Variants in FBXL17 observed in about 807,000 individuals in gnomAD.
FBXL17 encodes F-box and leucine rich repeat protein 17.
Under a neutral mutation model 66.2 loss-of-function variants are expected in FBXL17, and 22 were observed. The observed-to-expected ratio is 0.33, with a 90% confidence interval of 0.24 to 0.47. The LOEUF (loss-of-function observed/expected upper bound fraction) is 0.47, where lower values mean the gene tolerates loss of function less well. FBXL17 is among the 20% of genes least tolerant of loss of function. FBXL17 has a pLI of 1.00. For missense variants in FBXL17, 878 were observed against 948.2 expected (o/e 0.93, Z 0.97); for synonymous variants, 474 against 400.5 (o/e 1.18, Z -2.19).
At chr5:108,311,328 T>C (rs772157015) in intron 4 of FBXL17, among the ~76,000 whole-genome samples, 10 of 151,988 alleles carry the variant, frequency 6.6e-5, no homozygotes, top group Admixed American at 2.0e-4. Flanking sequence ...CCTGCCACCA[T>C]GCCCAGCTAA....
chr5:108,130,026 A>G (rs1475309822), intron 6 of FBXL17, among the ~76,000 whole-genome samples: 2 of 151,962 alleles, frequency 1.3e-5, no homozygotes, highest in Non-Finnish European at 2.9e-5. Context: ...GAGCATTTTA[A>G]AAGAAAAAAT....
At chr5:107,957,199 G>C (rs1406774917) in intron 7 of FBXL17, among the ~76,000 whole-genome samples, 2 of 152,142 alleles carry the variant, frequency 1.3e-5, no homozygotes, top group African/African-American at 4.8e-5. Flanking sequence ...ACAGGACAAA[G>C]GGCCCCAGCT....
intron 8 of FBXL17, 125 bp downstream of exon 8, chr5:107,880,912 C>T (rs1468276530): frequency 1.4e-6 from 2 of 1,469,586 alleles, no homozygotes; most frequent in East Asian, 2.5e-5. Flanking sequence ...TGCATATATA[C>T]ATATAAAATG....
chr5:108,325,698 G>A (rs1445261247), intron 4 of FBXL17, among the ~76,000 whole-genome samples: 2 of 152,126 alleles, frequency 1.3e-5, no homozygotes, highest in Admixed American at 1.3e-4. Flanking sequence ...TTGGATCATA[G>A]GTACACCTAG....
intron 6 of FBXL17, among the ~76,000 whole-genome samples, chr5:108,184,223 T>C (rs1346485637): frequency 6.6e-6 from 1 of 152,048 alleles, no homozygotes; most frequent in Non-Finnish European, 1.5e-5. Context: ...AGGCCAGTAG[T>C]TTGACACCAG....
chr5:107,918,128 C>A (rs1750194209), intron 7 of FBXL17, among the ~76,000 whole-genome samples: 1 of 152,188 alleles, frequency 6.6e-6, no homozygotes, highest in South Asian at 2.1e-4. Flanking sequence ...CAGATCTACT[C>A]ACCCTCAGGA....
At position 107,881,118 on chromosome 5, in the gene FBXL17, T is replaced by G. The variant is rs1294297192; in HGVS notation, c.1884A>C (p.Lys628Asn). Residue 628 changes from lysine to asparagine, a missense_variant, in exon 8 of 9, where the codon AAA becomes AAC. This residue lies in a region of FBXL17 where 236 missense variants were observed against 389.1 expected (regional missense o/e 0.61). Coordinates refer to ENST00000542267, the MANE Select transcript of FBXL17 (RefSeq NM_001163315.3). ...GGGTGGCTCCTTGGTCTGTGATTTCTTTACACCATCCGACATCCACAGTCT... is the reference window on the plus strand; with the variant it reads ...GGGTGGCTCCTTGGTCTGTGATTTCGTTACACCATCCGACATCCACAGTCT... Reference protein sequence around the residue: ...TIETVDVGWCKEITDQGATLI... With the variant: ...TIETVDVGWCNEITDQGATLI... 1 of 1,614,046 alleles carries G rather than the reference T, an allele frequency of 6.2e-7. No individual in the cohort carries two copies. Among genetic ancestry groups the G allele is most frequent in the East Asian group, 2.2e-5 (1 of 44,866 alleles).
intron 7 of FBXL17, among the ~76,000 whole-genome samples, chr5:107,902,373 T>C (rs1749596964): frequency 6.6e-6 from 1 of 152,186 alleles, no homozygotes; most frequent in Non-Finnish European, 1.5e-5. Flanking sequence ...ATCAATAAAT[T>C]AATTTATCCA....
intron 7 of FBXL17, among the ~76,000 whole-genome samples, chr5:107,975,213 T>C (rs1379116406): frequency 1.3e-5 from 2 of 152,196 alleles, no homozygotes; most frequent in Non-Finnish European, 2.9e-5. Flanking sequence ...CTTCCTTTTT[T>C]TCATATATTG....
At chr5:108,153,178 A>G (rs1470567496) in intron 6 of FBXL17, among the ~76,000 whole-genome samples, 2 of 152,124 alleles carry the variant, frequency 1.3e-5, no homozygotes, top group African/African-American at 2.4e-5. Flanking sequence ...TTCATAAATT[A>G]CCCAGTCTTG....
chr5:108,099,587 A>G (rs1749525489), intron 6 of FBXL17, among the ~76,000 whole-genome samples: 1 of 152,174 alleles, frequency 6.6e-6, no homozygotes, highest in South Asian at 2.1e-4. Context: ...AGGAAGATGA[A>G]GGTTCATGTT....
intron 6 of FBXL17, among the ~76,000 whole-genome samples, chr5:108,045,511 T>A (rs1009768392): frequency 1.3e-5 from 2 of 152,164 alleles, no homozygotes; most frequent in African/African-American, 4.8e-5. Context: ...ACACTGCTCT[T>A]CTTTTTCTAG....
At chr5:108,100,153 G>C (rs1319947425) in intron 6 of FBXL17, among the ~76,000 whole-genome samples, 1 of 152,014 alleles carries the variant, frequency 6.6e-6, no homozygotes, top group African/African-American at 2.4e-5. Flanking sequence ...AGTAAAAATA[G>C]ATTATTTACA....
At chr5:108,102,441 T>A (rs1045472679) in intron 6 of FBXL17, among the ~76,000 whole-genome samples, 1 of 152,208 alleles carries the variant, frequency 6.6e-6, no homozygotes, top group Non-Finnish European at 1.5e-5. Flanking sequence ...TGAATTTTAA[T>A]TCTGATTTCA....
At chr5:108,068,458 T>TGGG (rs113038445) in intron 6 of FBXL17, among the ~76,000 whole-genome samples, 3 of 120,170 alleles carry the variant, frequency 2.5e-5, no homozygotes, top group Non-Finnish European at 3.6e-5. Context: ...TTTCTTTTTT[T>TGGG]GGGGGGGGGG....
chr5:107,876,544 T>C (rs1748619312), intron 8 of FBXL17, among the ~76,000 whole-genome samples: 1 of 152,148 alleles, frequency 6.6e-6, no homozygotes, highest in Non-Finnish European at 1.5e-5. Flanking sequence ...ACCACGACAC[T>C]TTTATCACCG....
intron 6 of FBXL17, among the ~76,000 whole-genome samples, chr5:108,137,262 A>G (rs1313561962): frequency 6.6e-6 from 1 of 152,160 alleles, no homozygotes; most frequent in African/African-American, 2.4e-5. Flanking sequence ...CTCTATGGAA[A>G]TTGGTTATTT....
chr5:108,254,307 A>C (rs1756482779), intron 4 of FBXL17, among the ~76,000 whole-genome samples: 2 of 152,240 alleles, frequency 1.3e-5, no homozygotes, highest in African/African-American at 4.8e-5. Flanking sequence ...TTAAGCTTGA[A>C]CTGTATAAAT....
chr5:108,240,079 T>C (rs1038465634), intron 4 of FBXL17, among the ~76,000 whole-genome samples: 3 of 152,086 alleles, frequency 2.0e-5, no homozygotes, highest in African/African-American at 7.2e-5. Context: ...CTACTTGCCA[T>C]GGGCCTTAAG....
Sources: allele counts gnomAD v4.1 joint callset (sites outside exome capture counted in the v4.1 genomes callset), GRCh38; gene constraint gnomAD v4.1.1; regional missense constraint gnomAD v4.1.1; transcripts MANE v1.5; gene names NCBI Gene and HGNC (gene_info 2026-07-23, HGNC 2026-07-21).